GRIA3: variants seen among roughly 807,000 people sequenced by gnomAD.
GRIA3 encodes glutamate receptor 3.
A neutral mutation model predicts 63.0 loss-of-function variants in GRIA3; 3 were observed. The ratio of observed to expected loss-of-function variants is 0.05; its 90% CI spans 0.02 to 0.12. The LOEUF (loss-of-function observed/expected upper bound fraction) is 0.12, where lower values mean the gene tolerates loss of function less well. GRIA3 is among the 10% of genes least tolerant of loss of function. The pLI is 1.00. For synonymous variants in GRIA3, 274 were observed against 257.9 expected, an observed-to-expected ratio of 1.06 and a Z score of -0.60; for missense variants, 347 against 700.9, an observed-to-expected ratio of 0.50 and a Z score of 5.70.
chrX:123,282,978 C>T (rs1003736399), intron 3 of GRIA3, among the ~76,000 whole-genome samples: 8 of 108,195 alleles, frequency 7.4e-5, no homozygotes, highest in African/African-American at 2.7e-4. Flanking sequence ...GGAACAGCTC[C>T]GGTCTGCAGC....
At chrX:123,432,614 C>T (rs184192565) in intron 12 of GRIA3, among the ~76,000 whole-genome samples, 142 of 111,610 alleles carry the variant, frequency 1.3e-3, no homozygotes, top group African/African-American at 4.5e-3. Flanking sequence ...CTTACTTTGC[C>T]GTTGCTTGGT....
At chrX:123,263,388 T>C (rs1323309520) in intron 3 of GRIA3, among the ~76,000 whole-genome samples, 1 of 112,420 alleles carries the variant, frequency 8.9e-6, no homozygotes. Context: ...GTTGCCAGTG[T>C]CGGCTGCTGT....
At chrX:123,283,643 CGG>C (rs1346094983) in intron 3 of GRIA3, among the ~76,000 whole-genome samples, 1 of 111,824 alleles carries the variant, frequency 8.9e-6, no homozygotes, top group Admixed American at 9.4e-5. Flanking sequence ...AGTTCAAACT[CGG>C]CAGAGCCCAC....
intron 2 of GRIA3, among the ~76,000 whole-genome samples, chrX:123,202,041 G>T (rs2147254846): frequency 8.9e-6 from 1 of 112,285 alleles, no homozygotes; most frequent in South Asian, 3.7e-4. Flanking sequence ...TATAGTAGAT[G>T]AAATTATCAG....
intron 3 of GRIA3, among the ~76,000 whole-genome samples, chrX:123,311,285 G>C (rs780826331): frequency 8.0e-4 from 90 of 112,213 alleles, no homozygotes; most frequent in Non-Finnish European, 1.4e-3. Flanking sequence ...TTTTGAGAAT[G>C]AGCATGGCTG....
chrX:123,206,692 C>T (rs1023828904), intron 2 of GRIA3, among the ~76,000 whole-genome samples: 1 of 110,966 alleles, frequency 9.0e-6, no homozygotes, highest in South Asian at 3.9e-4. Flanking sequence ...CCAACCTGTT[C>T]TTTTTAATAA....
chrX:123,355,266 T>TG lies in GRIA3; in HGVS notation c.750+305dup, dbSNP rs753197166. On this transcript the variant is annotated intron_variant, in intron 5 of 15. Coordinates refer to ENST00000620443, the MANE Select transcript of GRIA3 (RefSeq NM_007325.5). ...TTAATTGGGTTTGAAAGATAAACCA[T>TG]GGAATTGGGGACACAGGAAACTGAC... Among the ~76,000 whole-genome samples, 12 of 112,363 alleles carry TG rather than the reference T, an allele frequency of 1.1e-4. No individual in the cohort carries two copies. In the South Asian group the frequency reaches 4.4e-3, roughly 42 times the overall value.
At chrX:123,333,102 T>A (rs1342206397) in intron 4 of GRIA3, among the ~76,000 whole-genome samples, 2 of 111,278 alleles carry the variant, frequency 1.8e-5, no homozygotes, top group African/African-American at 6.5e-5. Flanking sequence ...TTTACCAGCC[T>A]ATGTCTAGTG....
At chrX:123,215,253 G>C (rs2147262514) in intron 2 of GRIA3, among the ~76,000 whole-genome samples, 1 of 111,690 alleles carries the variant, frequency 9.0e-6, no homozygotes, top group East Asian at 2.8e-4. Flanking sequence ...TAGGTGGGTA[G>C]ATATGCTCTC....
chrX:123,261,010 C>G (rs903982187), intron 3 of GRIA3, among the ~76,000 whole-genome samples: 1 of 111,819 alleles, frequency 8.9e-6, no homozygotes. Flanking sequence ...TTTAATACTT[C>G]GATTTGCACA....
chrX:123,262,116 C>G (rs1055311730), intron 3 of GRIA3, among the ~76,000 whole-genome samples: 35 of 111,727 alleles, frequency 3.1e-4, no homozygotes, highest in Non-Finnish European at 1.5e-4. Flanking sequence ...CGGTATAGAC[C>G]TGCAACTGTG....
At chrX:123,255,110 T>C (rs2044412285) in intron 3 of GRIA3, among the ~76,000 whole-genome samples, 1 of 111,852 alleles carries the variant, frequency 8.9e-6, no homozygotes, top group Non-Finnish European at 1.9e-5. Context: ...CAGAACAACA[T>C]CAAATTGAGT....
At chrX:123,342,915 A>G (rs745480026) in intron 4 of GRIA3, among the ~76,000 whole-genome samples, 1 of 111,268 alleles carries the variant, frequency 9.0e-6, no homozygotes, top group Non-Finnish European at 1.9e-5. Flanking sequence ...GTGGGAGCTG[A>G]CCATCCCACA....
chrX:123,399,796 T>C (rs916281581), intron 7 of GRIA3, among the ~76,000 whole-genome samples: 5 of 111,893 alleles, frequency 4.5e-5, no homozygotes, highest in Non-Finnish European at 9.4e-5. Context: ...GCTCTCTTAT[T>C]GATGCCTTAA....
chrX:123,341,326 AT>A (rs748169724), intron 4 of GRIA3, among the ~76,000 whole-genome samples: 5 of 112,003 alleles, frequency 4.5e-5, no homozygotes, highest in Non-Finnish European at 9.4e-5. Context: ...TTGCGTTATG[AT>A]TTTTTGTAAC....
intron 13 of GRIA3, among the ~76,000 whole-genome samples, chrX:123,475,465 G>A (rs2045882851): frequency 9.0e-6 from 1 of 111,683 alleles, no homozygotes; most frequent in Non-Finnish European, 1.9e-5. Flanking sequence ...AAGCACTCCT[G>A]TTTTTTCCCT....
intron 5 of GRIA3, among the ~76,000 whole-genome samples, chrX:123,374,469 T>C (rs1387048044): frequency 8.9e-6 from 1 of 112,057 alleles, no homozygotes; most frequent in African/African-American, 3.2e-5. Flanking sequence ...TTCACGATAT[T>C]GATTCTTCCT....
intron 5 of GRIA3, among the ~76,000 whole-genome samples, chrX:123,373,373 A>G (rs2045261779): frequency 8.9e-6 from 1 of 111,852 alleles, no homozygotes; most frequent in Non-Finnish European, 1.9e-5. Flanking sequence ...TCCTTTGAGT[A>G]TATACCCAGT....
intron 2 of GRIA3, among the ~76,000 whole-genome samples, chrX:123,217,496 AT>A (rs1256191957): frequency 3.6e-5 from 4 of 111,694 alleles, no homozygotes; most frequent in African/African-American, 1.3e-4. Context: ...CCGACCAGGC[AT>A]TTCCTACCAC....
Sources: allele counts gnomAD v4.1 joint callset (sites outside exome capture counted in the v4.1 genomes callset), GRCh38; gene constraint gnomAD v4.1.1; transcripts MANE v1.5; gene names NCBI Gene and HGNC (gene_info 2026-07-23, HGNC 2026-07-21).